Variants in LRMDA observed in about 807,000 individuals in gnomAD.
The protein encoded by LRMDA is leucine rich melanocyte differentiation associated, also known as leucine-rich melanocyte differentiation-associated protein.
LRMDA carries 18 observed loss-of-function variants against 29.8 expected under a neutral mutation model. The observed-to-expected ratio is 0.60, with a 90% confidence interval of 0.42 to 0.90. The LOEUF is 0.90. Ranked by LOEUF, LRMDA falls within the 40% of genes least tolerant of loss-of-function variation. The pLI is 0.00. For missense variants in LRMDA, 273 were observed against 273.9 expected (o/e 1.00, Z 0.02); for synonymous variants, 125 against 109.4 (o/e 1.14, Z -0.89).
chr10:76,095,205 GC>G (rs1163055220), intron 5 of LRMDA, among the ~76,000 whole-genome samples: 6 of 152,022 alleles, frequency 3.9e-5, no homozygotes, highest in Admixed American at 6.6e-5. Flanking sequence ...CTAAAATGTT[GC>G]CTTTTTGAGA....
rs147676344 is a variant in LRMDA at position 75,553,289 on chromosome 10, T to C, written c.131+114795T>C. ...TTGTTCTATGACAGCTTCAAATTCT[T>C]CCAGTGGTGGCTTGCTGCTACCTTT... On this transcript the variant is annotated intron_variant, in intron 2 of 6. Coordinates refer to ENST00000611255, the MANE Select transcript of LRMDA (RefSeq NM_001305581.2). 7.2e-5 allele frequency among the ~76,000 whole-genome samples: 11 copies of C among 152,306 alleles called. No individual in the cohort carries two copies. In the East Asian group the frequency reaches 1.9e-3, roughly 27 times the overall value.
chr10:76,352,233 G>T (rs1038062458), intron 6 of LRMDA, among the ~76,000 whole-genome samples: 2 of 152,094 alleles, frequency 1.3e-5, no homozygotes, highest in Non-Finnish European at 2.9e-5. Context: ...TATGTATACT[G>T]TATTATTTTT....
chr10:75,786,777 T>A (rs1203064681), intron 2 of LRMDA, among the ~76,000 whole-genome samples: 1 of 152,232 alleles, frequency 6.6e-6, no homozygotes, highest in African/African-American at 2.4e-5. Context: ...TAATTCATTT[T>A]CCTTTTAGGT....
intron 2 of LRMDA, among the ~76,000 whole-genome samples, chr10:75,632,871 T>G (rs71473786): frequency 7.2e-6 from 1 of 138,554 alleles, no homozygotes; most frequent in Non-Finnish European, 1.5e-5. Flanking sequence ...AGATGTCTGG[T>G]CTGGGCTTTT....
At chr10:76,051,123 G>A (rs1848524338) in intron 4 of LRMDA, among the ~76,000 whole-genome samples, 1 of 152,248 alleles carries the variant, frequency 6.6e-6, no homozygotes, top group African/African-American at 2.4e-5. Context: ...GAAGGAGGGA[G>A]GGACCCTCCG....
At chr10:76,430,073 T>C (rs891808043) in intron 6 of LRMDA, among the ~76,000 whole-genome samples, 11 of 152,250 alleles carry the variant, frequency 7.2e-5, no homozygotes, top group Admixed American at 2.6e-4. Context: ...TCATAACAGC[T>C]GGAAACTTGT....
At chr10:75,911,372 A>G (rs1034426122) in intron 2 of LRMDA, among the ~76,000 whole-genome samples, 5 of 152,158 alleles carry the variant, frequency 3.3e-5, no homozygotes, top group Non-Finnish European at 7.3e-5. Flanking sequence ...TGTATTCTCA[A>G]TCCCAGTTCC....
chr10:76,438,193 C>G (rs113504793), intron 6 of LRMDA, among the ~76,000 whole-genome samples: 1 of 152,094 alleles, frequency 6.6e-6, no homozygotes, highest in Non-Finnish European at 1.5e-5. Flanking sequence ...ATATAAGCAG[C>G]GGGTCAGGGC....
intron 2 of LRMDA, among the ~76,000 whole-genome samples, chr10:76,009,089 G>A (rs1261140191): frequency 2.0e-5 from 3 of 152,224 alleles, no homozygotes; most frequent in African/African-American, 7.2e-5. Context: ...AGGTAATAAG[G>A]GACTGCACTG....
At chr10:75,774,796 C>T (rs527755548) in intron 2 of LRMDA, among the ~76,000 whole-genome samples, 3 of 152,298 alleles carry the variant, frequency 2.0e-5, no homozygotes, top group East Asian at 1.9e-4. Context: ...AACGTACCCA[C>T]GGCAGTTTTC....
rs1849907034 is a variant in LRMDA at position 76,127,586 on chromosome 10, A to G, written c.516+68803A>G. ...AGAGTGCAGAGTTTTTTTTTTTTTC[A>G]TGAAAACTAAGGTGAATGTTTGGCA... On this transcript the variant is annotated intron_variant, in intron 5 of 6. Transcript: ENST00000611255. Among the ~76,000 whole-genome samples, 3 of 144,108 alleles carry G rather than the reference A, an allele frequency of 2.1e-5. No individual in the cohort carries two copies. In the Admixed American group the frequency reaches 2.1e-4, roughly 10 times the overall value. 94.5% of individuals were successfully genotyped at this position (144,108 alleles called of 152,430 possible).
At chr10:75,556,094 G>A (rs1175447311) in intron 2 of LRMDA, among the ~76,000 whole-genome samples, 1 of 152,038 alleles carries the variant, frequency 6.6e-6, no homozygotes, top group Admixed American at 6.6e-5. Flanking sequence ...TGGGGTGGGG[G>A]TGAATGAAAA....
At chr10:76,119,360 C>G (rs566595067) in intron 5 of LRMDA, among the ~76,000 whole-genome samples, 2 of 151,732 alleles carry the variant, frequency 1.3e-5, no homozygotes, top group Admixed American at 1.3e-4. Flanking sequence ...GGTAGCAAAG[C>G]GTATGGAATA....
At chr10:75,553,642 T>G (rs1347512888) in intron 2 of LRMDA, among the ~76,000 whole-genome samples, 3 of 152,210 alleles carry the variant, frequency 2.0e-5, no homozygotes, top group Non-Finnish European at 4.4e-5. Flanking sequence ...ATTCTGTAAC[T>G]GAAAAGGTTT....
intron 2 of LRMDA, among the ~76,000 whole-genome samples, chr10:75,854,775 T>A (rs1266908150): frequency 6.6e-6 from 1 of 151,702 alleles, no homozygotes; most frequent in Non-Finnish European, 1.5e-5. Flanking sequence ...GTGTCCTGTG[T>A]TCTCATTGTT....
intron 2 of LRMDA, among the ~76,000 whole-genome samples, chr10:75,454,296 C>CT (rs1447117701): frequency 6.6e-6 from 1 of 152,154 alleles, no homozygotes; most frequent in African/African-American, 2.4e-5. Flanking sequence ...AGGGGTTCTA[C>CT]TTTCTACAGA....
intron 6 of LRMDA, among the ~76,000 whole-genome samples, chr10:76,355,651 G>A (rs1841230695): frequency 6.6e-6 from 1 of 152,114 alleles, no homozygotes. Flanking sequence ...AAAAGACTTT[G>A]TCATCCAAGA....
chr10:76,404,447 A>G (rs1189208744), intron 6 of LRMDA, among the ~76,000 whole-genome samples: 2 of 152,204 alleles, frequency 1.3e-5, no homozygotes, highest in Non-Finnish European at 2.9e-5. Flanking sequence ...TTTACTTACA[A>G]TAAAAGCCAA....
At chr10:75,471,029 T>C (rs1844719340) in intron 2 of LRMDA, among the ~76,000 whole-genome samples, 1 of 152,170 alleles carries the variant, frequency 6.6e-6, no homozygotes, top group Non-Finnish European at 1.5e-5. Flanking sequence ...AGCTCAGAGC[T>C]TGCTTCTGGG....
Sources: gnomAD v4.1 joint callset for allele counts (sites outside exome capture counted in the v4.1 genomes callset) on GRCh38, gnomAD v4.1.1 for gene constraint, MANE v1.5 for transcripts, NCBI Gene and HGNC (gene_info 2026-07-23, HGNC 2026-07-21) for gene names.